Variants in WRAP73 observed in about 807,000 individuals in gnomAD.
The protein encoded by WRAP73 is WD repeat-containing protein WRAP73.
Under a neutral mutation model 59.6 loss-of-function variants are expected in WRAP73, and 55 were observed. The observed-to-expected ratio is 0.92, with a 90% CI of 0.74 to 1.15. The LOEUF is 1.15. Among genes scored for constraint, WRAP73 ranks in the 50% most tolerant of loss-of-function variants. The pLI is 0.00. For missense variants in WRAP73, 592 were observed against 608.1 expected (o/e 0.97, Z 0.28); for synonymous variants, 265 against 258.2 (o/e 1.03, Z -0.25).
intron 8 of WRAP73, 130 bp downstream of exon 8, chr1:3,634,867 T>C: frequency 9.1e-7 from 1 of 1,094,422 alleles, no homozygotes; most frequent in Non-Finnish European, 1.4e-6. Flanking sequence ...AATGTCACAG[T>C]AGCAAGTTTA....
chr1:3,635,424 G>A, intron 6 of WRAP73, 130 bp from the exon 7 acceptor site: 1 of 1,264,484 alleles, frequency 7.9e-7, no homozygotes, highest in Non-Finnish European at 1.1e-6. Flanking sequence ...CGTGGCCGTG[G>A]AAAAGCTGGA....
At chr1:3,637,726 CAGGAGGCTGAGGTG>C in intron 4 of WRAP73, among the ~76,000 whole-genome samples, 1 of 152,210 alleles carries the variant, frequency 6.6e-6, no homozygotes, top group African/African-American at 2.4e-5. Flanking sequence ...CCCAGCTACT[CAGGAGGCTGAGGTG>C]AGAGGATCAC....
rs1178829699 is a variant in WRAP73 at position 3,646,826 on chromosome 1, G to A, written c.223-44C>T. The A allele has an allele frequency of 1.3e-6, 2 of 1,543,764 alleles. No homozygotes were observed. The highest frequency in any genetic ancestry group is 8.9e-7 in the Non-Finnish European group (1 of 1,125,192). ...GAAACACACAAGTGCAAACTCATCA[G>A]CACCGAGAGACAGCGAGGACAGCTC... is the stretch of plus-strand genomic sequence containing the variant. On this transcript the variant is annotated intron_variant, in intron 2 of 11. Transcript: ENST00000270708. The surrounding 1 kb of genome is among the most constrained non-coding windows in gnomAD (Gnocchi z 5.1).
In WRAP73 at chr1:3,647,434, C is replaced by A. The variant is rs143137458; in HGVS notation, c.196G>T (p.Ala66Ser). ...WSADSLFILC[A>S]MYKRGLVQVW... ...TGCACCAGCCCTCGCTTGTACATGG[C>A]GCACAGGATGAAGAGCGAGTCTGCC... Residue 66 changes from alanine (A) to serine (S), a missense_variant, in exon 2 of 12, where the codon GCC becomes TCC. Ala to Ser is a moderately conservative substitution (Grantham distance 99, BLOSUM62 1). Coordinates refer to ENST00000270708, the MANE Select transcript of WRAP73 (RefSeq NM_017818.4). 2.5e-6 allele frequency: 4 copies of A among 1,613,604 alleles called. No homozygotes were observed. Among genetic ancestry groups the A allele is most frequent in the Non-Finnish European group, 3.4e-6 (4 of 1,179,798 alleles).
chr1:3,648,798 C>A (rs991918502), intron 1 of WRAP73, among the ~76,000 whole-genome samples: 11 of 152,152 alleles, frequency 7.2e-5, no homozygotes, highest in African/African-American at 2.4e-4. Context: ...AAAAACAAAC[C>A]TCTCATTTAA....
In WRAP73 at chr1:3,635,007, T is replaced by C. The variant is rs767527589; in HGVS notation, c.806A>G (p.Asp269Gly). 1.9e-6 allele frequency: 3 copies of C among 1,614,212 alleles called. No individual in the cohort carries two copies. The Admixed American group carries it at 5.0e-5, about 27-fold the overall frequency. The change falls in exon 8 of 12, where the codon GAT becomes GGT. Residue 269 changes from aspartate (D) to glycine (G), a missense_variant. Transcript: ENST00000270708. ...TEFGHPAAINDPKIVVYKEAE... is the reference protein window; with the variant it reads ...TEFGHPAAINGPKIVVYKEAE... ...GTGTTCCAGACTTACTATCTTGGGA[T>C]CATTAATGGCTGCAGGATGCCCAAA...
Position 3,635,008 on chromosome 1 carries a change from C to T in WRAP73, c.805G>A (p.Asp269Asn), listed in dbSNP as rs753999408. 11 of 1,614,216 alleles carry T rather than the reference C, an allele frequency of 6.8e-6. No individual in the cohort carries two copies. The highest frequency in any genetic ancestry group is 1.3e-5 in the African/African-American group (1 of 75,074). ...TEFGHPAAIN[D>N]PKIVVYKEAE... Reference sequence around the variant, plus strand: ...TGTTCCAGACTTACTATCTTGGGATCATTAATGGCTGCAGGATGCCCAAAC... The same window carrying T: ...TGTTCCAGACTTACTATCTTGGGATTATTAATGGCTGCAGGATGCCCAAAC... Residue 269 changes from aspartate to asparagine, a missense_variant, in exon 8 of 12, where the codon GAT becomes AAT. Transcript: ENST00000270708.
In WRAP73 at chr1:3,635,337, C is replaced by T. The variant is rs76802820; in HGVS notation, c.604-43G>A. On this transcript the variant is annotated intron_variant, in intron 6 of 11. Coordinates refer to ENST00000270708, the MANE Select transcript of WRAP73 (RefSeq NM_017818.4). ...CAGTTAATAATGAATACACCCCCGT[C>T]GCCAGGAACACACCACAGACGCGGG... 0.013 allele frequency: 21,001 copies of T among 1,609,032 alleles called. 2,186 individuals are homozygous for T. In the African/African-American group the frequency reaches 0.24, roughly 18 times the overall value.
intron 9 of WRAP73, chr1:3,632,621 C>G (rs1557453934): frequency 4.3e-6 from 2 of 463,402 alleles, no homozygotes; most frequent in Non-Finnish European, 8.0e-6. Context: ...GGGACATGGA[C>G]AGGTCCTAGC....
In WRAP73 at chr1:3,635,237, C is replaced by T. The variant is rs1011951817; in HGVS notation, c.661G>A (p.Glu221Lys). The T allele has an allele frequency of 5.0e-6, 8 of 1,614,026 alleles. No homozygotes were observed. The highest frequency in any genetic ancestry group is 6.8e-6 in the Non-Finnish European group (8 of 1,180,048). ...ACAGACTTGATGCCCAGGGACCACTCGTAAGCGCTGTACGTGGACAACAAC... is the reference window on the plus strand; with the variant it reads ...ACAGACTTGATGCCCAGGGACCACTTGTAAGCGCTGTACGTGGACAACAAC... ...GRLLSTYSAY[E>K]WSLGIKSVAW... Residue 221 changes from glutamate to lysine, a missense_variant, in exon 7 of 12, where the codon GAG becomes AAG. By Grantham distance (56) the Glu-to-Lys change is moderately conservative. Transcript: ENST00000270708.
rs753435838 is a variant in WRAP73, at chr1:3,636,152, A to G, written c.517-122T>C. On this transcript the variant is annotated intron_variant, in intron 5 of 11. Coordinates refer to ENST00000270708, the MANE Select transcript of WRAP73 (RefSeq NM_017818.4). The stretch of plus-strand genomic sequence containing the variant: ...TTATATAGAAATTGACAAAATCTCA[A>G]CAGCTCTATCCTGGAAATGCATGAA... 2.4e-4 allele frequency: 175 copies of G among 721,824 alleles called. 2 individuals carry two copies. Among genetic ancestry groups the G allele is most frequent in the Admixed American group, 1.3e-4 (6 of 45,646 alleles). 44.7% of individuals were successfully genotyped at this position (721,824 alleles called of 1,614,324 possible).
Position 3,633,489 on chromosome 1 carries a change from C to G in WRAP73, c.831G>C (p.Glu277Asp). ...GTCCCAGCTGTGGGCTCTTCTCGGC[C>G]TCCTTATACACCACCTGAAAGACAC... ...INDPKIVVYKEAEKSPQLGLG... is the reference protein window; with the variant it reads ...INDPKIVVYKDAEKSPQLGLG... The change falls in exon 9 of 12, where the codon GAG becomes GAC. Residue 277 changes from glutamate (E) to aspartate (D), a missense_variant. By Grantham distance (45) the Glu-to-Asp change is conservative. Coordinates refer to ENST00000270708, the MANE Select transcript of WRAP73 (RefSeq NM_017818.4). The G allele has an allele frequency of 6.2e-7, 1 of 1,604,972 alleles. No homozygotes were observed. The highest frequency in any genetic ancestry group is 8.5e-7 in the Non-Finnish European group (1 of 1,177,536).
At chr1:3,634,079 C>G (rs1247553288) in intron 8 of WRAP73, 1 of 153,158 alleles carries the variant, frequency 6.5e-6, no homozygotes, top group East Asian at 1.9e-4. Context: ...ACAGGCAAAC[C>G]TTCAGGACCT....
At chr1:3,634,963 C>T (rs1316556355) in intron 8 of WRAP73, 34 bp downstream of exon 8, 1 of 1,612,370 alleles carries the variant, frequency 6.2e-7, no homozygotes, top group South Asian at 1.1e-5. Context: ...TCCCCAACAG[C>T]CTGCTCAGGC....
intron 8 of WRAP73, chr1:3,634,631 C>T (rs1327792629): frequency 2.8e-5 from 8 of 285,032 alleles, no homozygotes; most frequent in African/African-American, 4.3e-5. Flanking sequence ...TCTCTGGCTG[C>T]GGCCCAGAGC....
chr1:3,642,809 C>T (rs1013680423), intron 3 of WRAP73, among the ~76,000 whole-genome samples: 3 of 151,150 alleles, frequency 2.0e-5, no homozygotes, highest in African/African-American at 4.9e-5. Flanking sequence ...TGCCCCACTA[C>T]GTGAACCTGC....
intron 4 of WRAP73, 38 bp downstream of exon 4, chr1:3,638,712 G>C: frequency 1.2e-6 from 2 of 1,611,818 alleles, no homozygotes; most frequent in Non-Finnish European, 1.7e-6. Flanking sequence ...TCAAACAGCT[G>C]CAAAGAAATG....
intron 5 of WRAP73, chr1:3,636,294 C>G (rs1298277137): frequency 4.2e-6 from 2 of 477,448 alleles, no homozygotes; most frequent in Admixed American, 3.6e-5. Context: ...CACTCTCCCC[C>G]TCACCTTTCC....
At chr1:3,640,632 C>T (rs1003072305) in intron 3 of WRAP73, among the ~76,000 whole-genome samples, 12 of 144,820 alleles carry the variant, frequency 8.3e-5, no homozygotes, top group Non-Finnish European at 1.2e-4. Context: ...CGGGGTGGAG[C>T]GCCCGAGGCT....
Sources: gnomAD v4.1 joint callset for allele counts (sites outside exome capture counted in the v4.1 genomes callset) on GRCh38, gnomAD v4.1.1 for gene constraint, Gnocchi (gnomAD v3.1) non-coding constraint, MANE v1.5 for transcripts, NCBI Gene and HGNC (gene_info 2026-07-23, HGNC 2026-07-21) for gene names.